The following RBM4 variants were observed in gnomAD, a reference collection of about 807,000 sequenced individuals.
The protein encoded by RBM4 is RNA binding motif protein 4.
In RBM4, 7 loss-of-function variants were observed where a neutral mutation model predicts 29.5. The observed-to-expected ratio is 0.24, with a 90% CI of 0.14 to 0.45. The LOEUF (loss-of-function observed/expected upper bound fraction) is 0.45. Among genes scored for constraint, RBM4 ranks in the 20% least tolerant of loss-of-function variants. The probability of loss-of-function intolerance (pLI) is 1.00; values close to 1 mark genes in which losing one functional copy is unlikely to be tolerated. For missense variants in RBM4, 387 were observed against 502.3 expected (o/e 0.77, Z 2.19); for synonymous variants, 220 against 205.4 (o/e 1.07, Z -0.61).
intron 3 of RBM4, among the ~76,000 whole-genome samples, chr11:66,645,226 C>G (rs1253553172): frequency 1.3e-5 from 2 of 152,194 alleles, no homozygotes; most frequent in South Asian, 2.1e-4. Context: ...ATATTCTCTT[C>G]TGATACTTGC....
At chr11:66,654,013 C>G (rs1938889351) in intron 2 of RBM4, among the ~76,000 whole-genome samples, 1 of 152,028 alleles carries the variant, frequency 6.6e-6, no homozygotes, top group African/African-American at 2.4e-5. Context: ...TGGACAACAG[C>G]AAGACCCTCT....
chr11:66,655,019 C>T (rs1466859138), intron 2 of RBM4, among the ~76,000 whole-genome samples: 1 of 150,720 alleles, frequency 6.6e-6, no homozygotes, highest in Admixed American at 6.6e-5. Context: ...GAGTTTTGCT[C>T]TTGTTGCCCA....
downstream of RBM4, among the ~76,000 whole-genome samples, chr11:66,647,323 C>A (rs186310811): frequency 6.6e-6 from 1 of 152,226 alleles, no homozygotes; most frequent in Non-Finnish European, 1.5e-5. Flanking sequence ...GTCTTTACTT[C>A]GATAGTTTCT....
At chr11:66,657,733 GC>G (rs1317303553) in intron 2 of RBM4, among the ~76,000 whole-genome samples, 2 of 143,494 alleles carry the variant, frequency 1.4e-5, no homozygotes, top group East Asian at 2.0e-4. Flanking sequence ...CACCTCGCCT[GC>G]CCCCTCCCCC....
chr11:66,648,434 A>C (rs1243003095), downstream of RBM4, among the ~76,000 whole-genome samples: 2 of 151,924 alleles, frequency 1.3e-5, no homozygotes, highest in Non-Finnish European at 2.9e-5. Flanking sequence ...AGGTGGGAGG[A>C]TCACTTGAAC....
intron 2 of RBM4, among the ~76,000 whole-genome samples, chr11:66,659,461 T>C (rs1939031291): frequency 6.6e-6 from 1 of 151,670 alleles, no homozygotes; most frequent in Admixed American, 6.6e-5. Context: ...AGATACAAAA[T>C]TTAGAGACGG....
chr11:66,655,334 G>C (rs1381629346), intron 2 of RBM4, among the ~76,000 whole-genome samples: 6 of 150,732 alleles, frequency 4.0e-5, no homozygotes, highest in African/African-American at 1.2e-4. Flanking sequence ...CTGTCACCCA[G>C]ACTGCAGTGC....
downstream of RBM4, chr11:66,649,635 CTT>C (rs1157723214): frequency 7.8e-6 from 5 of 637,280 alleles, no homozygotes; most frequent in African/African-American, 1.8e-5. Flanking sequence ...TCAAGTGTAT[CTT>C]TGAGTGGAAG....
chr11:66,662,271 C>A lies in RBM4; in HGVS notation c.413-3585C>A, dbSNP rs1939097924. On this transcript the variant is annotated intron_variant, in intron 2 of 2. Coordinates refer to the RBM4 transcript ENST00000396053. The stretch of plus-strand genomic sequence containing the variant: ...AGGTACTCAGTAACCACAGTAGCCA[C>A]AAATTGGACAGCACAGATATGGAAC... 2.6e-5 allele frequency among the ~76,000 whole-genome samples: 4 copies of A among 152,160 alleles called. No homozygotes were observed. The South Asian group carries it at 8.3e-4, about 31-fold the overall frequency.
intron 2 of RBM4, 152 bp downstream of exon 2, chr11:66,640,275 A>G (rs1374215149): frequency 5.8e-6 from 6 of 1,033,576 alleles, no homozygotes; most frequent in Admixed American, 2.2e-5. Context: ...TATGATGTAG[A>G]ATGCATGGGA....
chr11:66,656,889 G>C (rs1251763604), intron 2 of RBM4, among the ~76,000 whole-genome samples: 1 of 151,852 alleles, frequency 6.6e-6, no homozygotes, highest in Non-Finnish European at 1.5e-5. Context: ...TTGAACTCCT[G>C]ACCTTAGGTG....
intron 2 of RBM4, chr11:66,640,447 A>T: frequency 1.9e-6 from 1 of 518,586 alleles, no homozygotes; most frequent in Non-Finnish European, 3.4e-6. Flanking sequence ...GTAGTAGAGC[A>T]CAGTTCAGAG....
chr11:66,643,642 CCATGAGCTATGGGGATT>C lies in RBM4; in HGVS notation c.609_625del (p.Met203IlefsTer24). 6.2e-7 allele frequency: 1 copy of C among 1,614,176 alleles called. No homozygotes were observed. Among genetic ancestry groups the C allele is most frequent in the Non-Finnish European group, 8.5e-7 (1 of 1,180,034 alleles). On this transcript the variant is annotated frameshift_variant, in exon 3 of 4. Transcript: ENST00000310092. LOFTEE classifies it high-confidence loss of function. This position sits in a 1 kb window ranked among gnomAD's most constrained non-coding sequence, Gnocchi z 6.1. ...TACGGAGCAGTGCGTACGCCTTACA[CCATGAGCTATGGGGATT>C]CATTGTATTACAACAACGCGTACGG...
chr11:66,658,364 G>A (rs954659972), intron 2 of RBM4, among the ~76,000 whole-genome samples: 3 of 58,994 alleles, frequency 5.1e-5, no homozygotes, highest in South Asian at 6.9e-4. Flanking sequence ...TTTTTTTTTC[G>A]TTTTGTTTTA....
chr11:66,648,666 T>G (rs1252882989), downstream of RBM4, among the ~76,000 whole-genome samples: 1 of 151,758 alleles, frequency 6.6e-6, no homozygotes, highest in Non-Finnish European at 1.5e-5. Flanking sequence ...AAATATAAGT[T>G]AGCCGGGCAT....
chr11:66,654,684 G>GTTT (rs144346052), intron 2 of RBM4, among the ~76,000 whole-genome samples: 4 of 122,278 alleles, frequency 3.3e-5, no homozygotes, highest in African/African-American at 6.5e-5. Context: ...GATTAATTTT[G>GTTT]TTTTTTTTTT....
intron 2 of RBM4, chr11:66,665,566 G>A (rs1185573800): frequency 8.5e-5 from 130 of 1,534,638 alleles, no homozygotes; most frequent in Non-Finnish European, 9.9e-5. Flanking sequence ...GGTTCAGTCC[G>A]CAATTATCCT....
intron 2 of RBM4, chr11:66,665,682 AAGAAC>A (rs1939201455): frequency 6.6e-7 from 1 of 1,514,464 alleles, no homozygotes; most frequent in African/African-American, 1.4e-5. Flanking sequence ...GGGGAAAAAA[AAGAAC>A]AAAACAAAAC....
At chr11:66,648,266 A>G (rs943148684), downstream of RBM4, among the ~76,000 whole-genome samples, 1 of 150,964 alleles carries the variant, frequency 6.6e-6, no homozygotes, top group Non-Finnish European at 1.5e-5. Context: ...AACGCCAGTA[A>G]TCCCAGCACT....
Sources: allele counts gnomAD v4.1 joint callset (sites outside exome capture counted in the v4.1 genomes callset), GRCh38; gene constraint gnomAD v4.1.1; non-coding constraint Gnocchi (gnomAD v3.1); transcripts MANE v1.5; gene names NCBI Gene and HGNC (gene_info 2026-07-23, HGNC 2026-07-21).